The following KCNIP4 variants were observed in gnomAD, a reference collection of about 807,000 sequenced individuals.
The protein encoded by KCNIP4 is potassium voltage-gated channel interacting protein 4.
KCNIP4 carries 12 observed loss-of-function variants against 34.0 expected under a neutral mutation model. The ratio of observed to expected loss-of-function variants is 0.35; its 90% confidence interval spans 0.23 to 0.57. The LOEUF (loss-of-function observed/expected upper bound fraction) is 0.57. Among genes scored for constraint, KCNIP4 ranks in the 20% least tolerant of loss-of-function variants. KCNIP4 has a pLI of 0.83. For missense variants in KCNIP4, 238 were observed against 311.7 expected (o/e 0.76, Z 1.78); for synonymous variants, 124 against 102.2 (o/e 1.21, Z -1.29).
chr4:21,476,829 A>G (rs1445416680), intron 1 of KCNIP4, among the ~76,000 whole-genome samples: 3 of 152,098 alleles, frequency 2.0e-5, no homozygotes, highest in South Asian at 4.1e-4. Context: ...TTCTTAAGTG[A>G]AATCTGTCCC....
At chr4:21,302,786 G>C (rs534284404) in intron 1 of KCNIP4, among the ~76,000 whole-genome samples, 1 of 152,100 alleles carries the variant, frequency 6.6e-6, no homozygotes, top group South Asian at 2.1e-4. Context: ...ATTTTAATTT[G>C]ATGTTTGCTA....
intron 1 of KCNIP4, among the ~76,000 whole-genome samples, chr4:20,988,000 C>CAAAAAAAAAAAAAAAAAAAACAA (rs1736739669): frequency 2.2e-5 from 1 of 46,318 alleles, no homozygotes; most frequent in Non-Finnish European, 4.0e-5. Flanking sequence ...GATTCCATCT[C>CAAAAAAAAAAAAAAAAAAAACAA]AAAAAAAAAA....
intron 1 of KCNIP4, among the ~76,000 whole-genome samples, chr4:21,025,723 T>A (rs1214985613): frequency 6.6e-6 from 1 of 151,510 alleles, no homozygotes; most frequent in African/African-American, 2.4e-5. Flanking sequence ...CCGGCTAATT[T>A]TTTTGTATTT....
At chr4:21,640,108 T>A (rs1746502901) in intron 1 of KCNIP4, among the ~76,000 whole-genome samples, 3 of 152,276 alleles carry the variant, frequency 2.0e-5, no homozygotes, top group South Asian at 4.1e-4. Flanking sequence ...AGCATTCCCA[T>A]CCATTTAACT....
At chr4:21,636,548 T>A (rs2109221298) in intron 1 of KCNIP4, among the ~76,000 whole-genome samples, 1 of 151,486 alleles carries the variant, frequency 6.6e-6, no homozygotes, top group African/African-American at 2.4e-5. Flanking sequence ...GGAGGCCACA[T>A]TTTTTCCTGC....
At chr4:21,380,382 T>G (rs1721367893) in intron 1 of KCNIP4, among the ~76,000 whole-genome samples, 1 of 149,568 alleles carries the variant, frequency 6.7e-6, no homozygotes, top group African/African-American at 2.5e-5. Context: ...ACCCATAGGT[T>G]GTGAGTGTGT....
intron 1 of KCNIP4, among the ~76,000 whole-genome samples, chr4:21,090,902 CA>C (rs1258114776): frequency 6.6e-6 from 1 of 152,068 alleles, no homozygotes; most frequent in Non-Finnish European, 1.5e-5. Flanking sequence ...AGAGCAAAAA[CA>C]GAACAATCTT....
intron 1 of KCNIP4, among the ~76,000 whole-genome samples, chr4:20,917,357 TTCAAC>T (rs1466720865): frequency 6.6e-6 from 1 of 151,886 alleles, no homozygotes; most frequent in East Asian, 2.0e-4. Flanking sequence ...TGACTCTTAC[TTCAAC>T]TCTTTTCCCG....
intron 1 of KCNIP4, among the ~76,000 whole-genome samples, chr4:20,905,839 A>G (rs1283190551): frequency 1.3e-5 from 2 of 151,954 alleles, no homozygotes; most frequent in Non-Finnish European, 2.9e-5. Context: ...AATATTTTCT[A>G]ATCAAGGTAT....
rs181938776 is a variant in KCNIP4 at position 21,360,597 on chromosome 4, G to A, written c.62-477888C>T. The stretch of plus-strand genomic sequence containing the variant: ...ATGAGAATACAATGAAAATTAATGG[G>A]TTTCTTTAAACTAACAATGAACCTT... On this transcript the variant is annotated intron_variant, in intron 1 of 8. Transcript: ENST00000382152. 2.5e-3 allele frequency among the ~76,000 whole-genome samples: 386 copies of A among 152,100 alleles called. 1 individual carries two copies. The highest frequency in any genetic ancestry group is 9.0e-3 in the African/African-American group (372 of 41,510).
At chr4:20,827,901 A>G (rs1383733680) in intron 3 of KCNIP4, among the ~76,000 whole-genome samples, 2 of 151,112 alleles carry the variant, frequency 1.3e-5, no homozygotes, top group Non-Finnish European at 2.9e-5. Flanking sequence ...ATCCCCAGCT[A>G]GTGAGACTGT....
intron 1 of KCNIP4, among the ~76,000 whole-genome samples, chr4:20,914,072 G>A (rs777459385): frequency 3.3e-5 from 5 of 151,850 alleles, no homozygotes; most frequent in African/African-American, 4.8e-5. Context: ...CAGGAGAATC[G>A]CTTGAACCCG....
chr4:20,857,186 T>C (rs1160116399), intron 2 of KCNIP4, among the ~76,000 whole-genome samples: 1 of 152,008 alleles, frequency 6.6e-6, no homozygotes, highest in Non-Finnish European at 1.5e-5. Context: ...TCTAAAAACA[T>C]AACTGAAATC....
At chr4:21,730,522 C>G (rs1051462070) in intron 1 of KCNIP4, among the ~76,000 whole-genome samples, 4 of 151,798 alleles carry the variant, frequency 2.6e-5, no homozygotes, top group African/African-American at 9.7e-5. Context: ...GACGGCCAGA[C>G]AGGATATATA....
intron 1 of KCNIP4, among the ~76,000 whole-genome samples, chr4:21,405,997 G>C (rs754978131): frequency 1.6e-4 from 24 of 152,100 alleles, no homozygotes; most frequent in Non-Finnish European, 3.1e-4. Flanking sequence ...CACCAAGCCC[G>C]GCTAATTTTG....
intron 1 of KCNIP4, among the ~76,000 whole-genome samples, chr4:21,680,318 T>C (rs528027457): frequency 6.6e-6 from 1 of 152,316 alleles, no homozygotes; most frequent in Admixed American, 6.5e-5. Flanking sequence ...AGCAATTCAG[T>C]CACATCTCCA....
intron 1 of KCNIP4, among the ~76,000 whole-genome samples, chr4:21,028,899 T>G (rs1740771889): frequency 6.6e-6 from 1 of 152,224 alleles, no homozygotes; most frequent in South Asian, 2.1e-4. Context: ...CAAAGCATTC[T>G]AAATTATCTA....
chr4:20,785,114 T>G (rs1283505871), intron 3 of KCNIP4, among the ~76,000 whole-genome samples: 2 of 151,998 alleles, frequency 1.3e-5, no homozygotes, highest in Non-Finnish European at 2.9e-5. Flanking sequence ...TTCTCAAATG[T>G]GAGGCAGGGC....
chr4:21,528,668 TAAAAAACAAAGAAAGAAAGAAAGA>T (rs1736192069), intron 1 of KCNIP4, among the ~76,000 whole-genome samples: 2 of 118,076 alleles, frequency 1.7e-5, no homozygotes, highest in East Asian at 2.5e-4. Flanking sequence ...CTCTGTCTCA[TAAAAAACAAAGAAAGAAAGAAAGA>T]AAGAAAGAAA....
Sources: allele counts gnomAD v4.1 joint callset (sites outside exome capture counted in the v4.1 genomes callset), GRCh38; gene constraint gnomAD v4.1.1; transcripts MANE v1.5; gene names NCBI Gene and HGNC (gene_info 2026-07-23, HGNC 2026-07-21).